The following DZIP3 variants were observed in gnomAD, a reference collection of about 807,000 sequenced individuals.
DZIP3 encodes E3 ubiquitin-protein ligase DZIP3.
Under a neutral mutation model 162.0 loss-of-function variants are expected in DZIP3, and 118 were observed. That is an observed-to-expected ratio of 0.73 (90% CI 0.63 to 0.85). The LOEUF (loss-of-function observed/expected upper bound fraction) is 0.85. DZIP3 is among the 40% of genes least tolerant of loss of function. The pLI is 0.00. For synonymous variants in DZIP3, 438 were observed against 458.6 expected, an observed-to-expected ratio of 0.96 and a Z score of 0.57; for missense variants, 1,331 against 1,407.0, an observed-to-expected ratio of 0.95 and a Z score of 0.86.
chr3:108,616,460 C>A, intron 4 of DZIP3, 81 bp from the exon 5 acceptor site: 1 of 927,872 alleles, frequency 1.1e-6, no homozygotes, highest in Non-Finnish European at 1.6e-6. Context: ...CTCCAATGAG[C>A]ATGAATTATT....
chr3:108,634,984 G>T lies in DZIP3; in HGVS notation c.918+12G>T, dbSNP rs193247115. 45 of 1,492,372 alleles carry T rather than the reference G, an allele frequency of 3.0e-5. No homozygotes were observed. In the East Asian group the frequency reaches 1.1e-3, roughly 35 times the overall value. The allele number at this position is 1,492,372 out of a possible 1,614,324, so 92.4% of individuals were successfully genotyped here. A position where few individuals can be genotyped will look rare whatever the true frequency, so the allele number is the denominator to read the frequency against. On this transcript the variant is annotated intron_variant, in intron 10 of 32. Transcript: ENST00000361582. The stretch of plus-strand genomic sequence containing the variant: ...GTGAAAATGATCAGGTATTATATTC[G>T]TTCTTAAAACTACAACAGCATTTCT...
chr3:108,598,386 T>C (rs926671756), intron 1 of DZIP3, among the ~76,000 whole-genome samples: 3 of 152,324 alleles, frequency 2.0e-5, no homozygotes, highest in Non-Finnish European at 4.4e-5. Context: ...TTATTCAAGG[T>C]GCATAGCTTA....
At chr3:108,678,290 G>A (rs1576462359) in intron 26 of DZIP3, among the ~76,000 whole-genome samples, 1 of 151,878 alleles carries the variant, frequency 6.6e-6, no homozygotes, top group Middle Eastern at 3.4e-3. Flanking sequence ...ATATTACAAT[G>A]TAATAATACT....
intron 27 of DZIP3, 74 bp from the exon 28 acceptor site, chr3:108,686,371 C>G (rs1442106493): frequency 1.5e-6 from 2 of 1,371,964 alleles, no homozygotes; most frequent in East Asian, 2.6e-5. Context: ...TTCATTGTAC[C>G]CATTTTCTGA....
intron 26 of DZIP3, among the ~76,000 whole-genome samples, chr3:108,679,804 G>A (rs896797585): frequency 1.3e-5 from 2 of 152,046 alleles, no homozygotes; most frequent in African/African-American, 4.8e-5. Context: ...CTATTTCTGG[G>A]ATACTAGTGT....
intron 11 of DZIP3, 37 bp downstream of exon 11, chr3:108,636,745 C>G: frequency 5.1e-6 from 7 of 1,370,270 alleles, no homozygotes; most frequent in Non-Finnish European, 7.0e-6. Context: ...TTTTTTCTTG[C>G]TTTCCTTCCT....
chr3:108,692,431 G>A (rs1344186509), intron 32 of DZIP3, among the ~76,000 whole-genome samples: 1 of 152,116 alleles, frequency 6.6e-6, no homozygotes, highest in Non-Finnish European at 1.5e-5. Context: ...GAAACAGAAA[G>A]GGACAGTTCA....
At chr3:108,609,927 G>T (rs1171535826) in intron 3 of DZIP3, among the ~76,000 whole-genome samples, 1 of 152,146 alleles carries the variant, frequency 6.6e-6, no homozygotes, top group East Asian at 1.9e-4. Context: ...AGTATCCGAT[G>T]ATTCTACAAG....
At chr3:108,691,404 A>G (rs181211589) in intron 32 of DZIP3, 1 of 150,888 alleles carries the variant, frequency 6.6e-6, no homozygotes, top group South Asian at 2.1e-4. Context: ...AAAAAAAAAG[A>G]AAGTAAAAAA....
intron 26 of DZIP3, among the ~76,000 whole-genome samples, chr3:108,680,440 AGATTCAG>A (rs1944264211): frequency 6.6e-6 from 1 of 152,128 alleles, no homozygotes; most frequent in African/African-American, 2.4e-5. Context: ...AATTTGGTAA[AGATTCAG>A]GATTCAAAAT....
At chr3:108,678,440 A>G (rs1023098030) in intron 26 of DZIP3, among the ~76,000 whole-genome samples, 1 of 152,020 alleles carries the variant, frequency 6.6e-6, no homozygotes, top group African/African-American at 2.4e-5. Flanking sequence ...GAAATGACTG[A>G]AACATCTCAA....
intron 2 of DZIP3, among the ~76,000 whole-genome samples, chr3:108,606,515 T>C (rs1205040051): frequency 2.6e-5 from 4 of 152,216 alleles, no homozygotes; most frequent in African/African-American, 9.6e-5. Context: ...GCATAACTAT[T>C]AGAGATTCTG....
intron 26 of DZIP3, among the ~76,000 whole-genome samples, chr3:108,681,191 A>G (rs541283079): frequency 1.3e-5 from 2 of 152,296 alleles, no homozygotes; most frequent in East Asian, 3.9e-4. Flanking sequence ...CCGTCTGACA[A>G]AGGGCTTATA....
intron 31 of DZIP3, among the ~76,000 whole-genome samples, chr3:108,689,652 A>C (rs1944620637): frequency 6.6e-6 from 1 of 152,108 alleles, no homozygotes; most frequent in African/African-American, 2.4e-5. Context: ...GGGCCCCTGC[A>C]CTCCAGCCTG....
intron 1 of DZIP3, among the ~76,000 whole-genome samples, chr3:108,602,122 T>G (rs896233424): frequency 6.6e-6 from 1 of 152,152 alleles, no homozygotes; most frequent in African/African-American, 2.4e-5. Flanking sequence ...TTGAGTGGAT[T>G]TTTATAAAAA....
intron 3 of DZIP3, among the ~76,000 whole-genome samples, chr3:108,609,343 A>G (rs1476540849): frequency 6.6e-6 from 1 of 152,192 alleles, no homozygotes; most frequent in Non-Finnish European, 1.5e-5. Flanking sequence ...GAAGTATGCT[A>G]TATGCACATG....
intron 3 of DZIP3, among the ~76,000 whole-genome samples, chr3:108,609,347 GC>G (rs1940569951): frequency 6.6e-6 from 1 of 152,136 alleles, no homozygotes; most frequent in South Asian, 2.1e-4. Context: ...TATGCTATAT[GC>G]ACATGTATGT....
chr3:108,645,336 G>A lies in DZIP3; in HGVS notation c.1759+555G>A, dbSNP rs534861796. The stretch of plus-strand genomic sequence containing the variant: ...GTACTGTGTGGTTTCAAAGATGTTC[G>A]TTTAGACACAGTGTGGATGTATGTT... On this transcript the variant is annotated intron_variant, in intron 14 of 32. Coordinates refer to ENST00000361582, the MANE Select transcript of DZIP3 (RefSeq NM_014648.4). Among the ~76,000 whole-genome samples, 18 of 152,244 alleles carry A rather than the reference G, an allele frequency of 1.2e-4. No homozygotes were observed. In the South Asian group the frequency reaches 1.2e-3, roughly 11 times the overall value.
chr3:108,677,399 T>A, intron 25 of DZIP3, 98 bp from the exon 26 acceptor site: 1 of 978,866 alleles, frequency 1.0e-6, no homozygotes, highest in Non-Finnish European at 1.6e-6. Flanking sequence ...GCAACCACTC[T>A]TGTATGTTGT....
Sources: allele counts gnomAD v4.1 joint callset (sites outside exome capture counted in the v4.1 genomes callset), GRCh38; gene constraint gnomAD v4.1.1; transcripts MANE v1.5; gene names NCBI Gene and HGNC (gene_info 2026-07-23, HGNC 2026-07-21).